RXFP2: variants seen among roughly 807,000 people sequenced by gnomAD.
The protein encoded by RXFP2 is relaxin family peptide receptor 2.
RXFP2 carries 68 observed loss-of-function variants against 88.6 expected under a neutral mutation model. The ratio of observed to expected loss-of-function variants is 0.77; its 90% CI spans 0.63 to 0.94. The LOEUF is 0.94. Among genes scored for constraint, RXFP2 ranks in the 40% least tolerant of loss-of-function variants. The pLI, the probability that RXFP2 is intolerant of heterozygous loss-of-function variation, is 0.00. For synonymous variants in RXFP2, 329 were observed against 306.8 expected, an observed-to-expected ratio of 1.07 and a Z score of -0.76; for missense variants, 791 against 893.9, an observed-to-expected ratio of 0.88 and a Z score of 1.47.
At chr13:31,759,430 A>AAAGAAAGAAAG (rs1566218604) in intron 2 of RXFP2, among the ~76,000 whole-genome samples, 31 of 143,066 alleles carry the variant, frequency 2.2e-4, no homozygotes, top group South Asian at 8.8e-4. Context: ...AGAAAGAAAG[A>AAAGAAAGAAAG]AAGAAAGAAA....
Position 31,772,566 on chromosome 13 carries a change from T to G in RXFP2, c.498-2054T>G, listed in dbSNP as rs149926056. ...TGCCAAGTTGTCATGTTTCCAAATA[T>G]CCCCACACATTCTTTAAGCTACTAT... On this transcript the variant is annotated intron_variant, in intron 5 of 17. Coordinates refer to ENST00000298386, the MANE Select transcript of RXFP2 (RefSeq NM_130806.5). Among the ~76,000 whole-genome samples, 351 of 152,224 alleles carry G rather than the reference T, an allele frequency of 2.3e-3. 3 individuals carry two copies. Among genetic ancestry groups the G allele is most frequent in the Middle Eastern group, 0.014 (4 of 294 alleles).
At chr13:31,744,634 T>C (rs1274496923) in intron 1 of RXFP2, among the ~76,000 whole-genome samples, 2 of 152,200 alleles carry the variant, frequency 1.3e-5, no homozygotes, top group African/African-American at 4.8e-5. Flanking sequence ...ATAGAATGTG[T>C]CTGATGAAGG....
intron 11 of RXFP2, among the ~76,000 whole-genome samples, chr13:31,784,561 C>G (rs1038960440): frequency 6.6e-6 from 1 of 152,134 alleles, no homozygotes; most frequent in Non-Finnish European, 1.5e-5. Context: ...TATTGTCAGG[C>G]TCTCTCTGGC....
At chr13:31,745,207 G>T (rs565456174) in intron 1 of RXFP2, among the ~76,000 whole-genome samples, 1 of 151,834 alleles carries the variant, frequency 6.6e-6, no homozygotes, top group African/African-American at 2.4e-5. Flanking sequence ...TCCCAGGTAT[G>T]AATTCCCCCT....
intron 2 of RXFP2, among the ~76,000 whole-genome samples, chr13:31,759,298 T>C (rs1872136997): frequency 1.3e-5 from 2 of 149,164 alleles, no homozygotes; most frequent in South Asian, 4.3e-4. Context: ...GATAATGAGA[T>C]AGAAAGTAAC....
intron 10 of RXFP2, 109 bp from the exon 11 acceptor site, chr13:31,782,567 C>T (rs1052014130): frequency 1.2e-6 from 1 of 833,840 alleles, no homozygotes; most frequent in African/African-American, 1.7e-5. Flanking sequence ...CCCTTGAAGA[C>T]TTCAAAGGAG....
At chr13:31,779,749 A>C (rs1364170070) in intron 9 of RXFP2, among the ~76,000 whole-genome samples, 1 of 152,088 alleles carries the variant, frequency 6.6e-6, no homozygotes, top group Non-Finnish European at 1.5e-5. Flanking sequence ...TAAGATGATA[A>C]AGTTTTAGTA....
At chr13:31,746,547 G>C (rs1270705037) in intron 1 of RXFP2, among the ~76,000 whole-genome samples, 1 of 152,146 alleles carries the variant, frequency 6.6e-6, no homozygotes, top group Non-Finnish European at 1.5e-5. Flanking sequence ...CCACCTTTAA[G>C]AGAAATTAAT....
At chr13:31,795,929 CT>C (rs969394290) in intron 16 of RXFP2, among the ~76,000 whole-genome samples, 2 of 140,146 alleles carry the variant, frequency 1.4e-5, no homozygotes, top group African/African-American at 2.7e-5. Flanking sequence ...TAACTTTTTT[CT>C]TTTTTTTAAT....
chr13:31,785,355 T>C (rs112197450), intron 11 of RXFP2, among the ~76,000 whole-genome samples: 57 of 152,256 alleles, frequency 3.7e-4, no homozygotes, highest in African/African-American at 1.3e-3. Context: ...TCCTGACTCC[T>C]GAAAGTGTCA....
At position 31,747,315 on chromosome 13, in the gene RXFP2, C is replaced by T. The variant is rs76686446; in HGVS notation, c.94+7609C>T. The stretch of plus-strand genomic sequence containing the variant: ...GGCCCTTTGCCACCGCTCCTCTTCC[C>T]TAGAAAATGGCTTAAAAAAAACAGA... On this transcript the variant is annotated intron_variant, in intron 1 of 17. Coordinates refer to ENST00000298386, the MANE Select transcript of RXFP2 (RefSeq NM_130806.5). Among the ~76,000 whole-genome samples the T allele has an allele frequency of 3.3e-3, 507 of 152,150 alleles. 5 individuals carry two copies. Among genetic ancestry groups the T allele is most frequent in the African/African-American group, 0.011 (463 of 41,492 alleles).
At chr13:31,771,319 A>C (rs1485586141) in intron 5 of RXFP2, among the ~76,000 whole-genome samples, 6 of 152,196 alleles carry the variant, frequency 3.9e-5, no homozygotes, top group Non-Finnish European at 2.9e-5. Flanking sequence ...GTGAGCGAGC[A>C]AGCAAAGCTG....
chr13:31,749,771 TTTA>T (rs1456361497), intron 1 of RXFP2, among the ~76,000 whole-genome samples: 5 of 152,306 alleles, frequency 3.3e-5, no homozygotes, highest in South Asian at 2.1e-4. Context: ...ATGCTAATAA[TTTA>T]TTATTTTAAT....
At position 31,793,199 on chromosome 13, in the gene RXFP2, CTG is replaced by C; in HGVS notation, c.1786+115_1786+116del. On this transcript the variant is annotated intron_variant, in intron 16 of 17. Coordinates refer to ENST00000298386, the MANE Select transcript of RXFP2 (RefSeq NM_130806.5). ...AGAAAGTGAGATAACATAGTCAAGACTGTGTCCTTTTTCACACAAAAAAGTTT... is the reference window on the plus strand; with the variant it reads ...AGAAAGTGAGATAACATAGTCAAGACTGTCCTTTTTCACACAAAAAAGTTT... 3.0e-6 allele frequency: 3 copies of C among 990,650 alleles called. No homozygotes were observed. The Admixed American group carries it at 7.8e-5, about 26-fold the overall frequency. 61.4% of individuals were successfully genotyped at this position (990,650 alleles called of 1,614,324 possible).
intron 16 of RXFP2, 148 bp from the exon 17 acceptor site, chr13:31,797,053 C>G: frequency 1.5e-6 from 1 of 686,162 alleles, no homozygotes; most frequent in Non-Finnish European, 2.6e-6. Flanking sequence ...CAAGATATAT[C>G]ATTATGAATG....
intron 9 of RXFP2, among the ~76,000 whole-genome samples, chr13:31,779,194 C>T (rs1013386981): frequency 5.4e-5 from 8 of 149,132 alleles, no homozygotes; most frequent in Admixed American, 2.0e-4. Flanking sequence ...GGTGCGATCT[C>T]GGCTCACTGC....
At chr13:31,771,929 G>A (rs1872749791) in intron 5 of RXFP2, among the ~76,000 whole-genome samples, 2 of 151,788 alleles carry the variant, frequency 1.3e-5, no homozygotes, top group African/African-American at 4.8e-5. Flanking sequence ...TCACAGTGGA[G>A]TTGAGATCAT....
intron 1 of RXFP2, among the ~76,000 whole-genome samples, chr13:31,748,410 T>G (rs537798360): frequency 6.6e-6 from 1 of 152,338 alleles, no homozygotes; most frequent in East Asian, 1.9e-4. Context: ...TTTTTTATTT[T>G]TAAATTACAC....
intron 17 of RXFP2, among the ~76,000 whole-genome samples, chr13:31,798,832 G>C (rs6563820): frequency 0.97 from 147,526 of 152,244 alleles, 71,622 homozygotes; most frequent in East Asian, 1. Context: ...AGATTTTAGC[G>C]TACTAAACAC....
Sources: gnomAD v4.1 joint callset for allele counts (sites outside exome capture counted in the v4.1 genomes callset) on GRCh38, gnomAD v4.1.1 for gene constraint, MANE v1.5 for transcripts, NCBI Gene and HGNC (gene_info 2026-07-23, HGNC 2026-07-21) for gene names.